Variants in SDK1 observed in about 807,000 individuals in gnomAD.
SDK1 encodes the protein sidekick cell adhesion molecule 1.
Under a neutral mutation model 245.5 loss-of-function variants are expected in SDK1, and 157 were observed. The ratio of observed to expected loss-of-function variants is 0.64; its 90% CI spans 0.56 to 0.73. The LOEUF (loss-of-function observed/expected upper bound fraction) is 0.73, where lower values mean the gene tolerates loss of function less well. Ranked by LOEUF, SDK1 falls within the 30% of genes least tolerant of loss-of-function variation. SDK1 has a pLI of 0.00. For missense variants in SDK1, 3,583 were observed against 3,002.3 expected (o/e 1.19, Z -4.52); for synonymous variants, 1,647 against 1,278.5 (o/e 1.29, Z -6.15).
chr7:3,427,521 CAAA>C (rs57827479), intron 1 of SDK1, among the ~76,000 whole-genome samples: 367 of 96,160 alleles, frequency 3.8e-3, no homozygotes, highest in African/African-American at 8.0e-3. Context: ...CTCCATCTCC[CAAA>C]AAAAAAAAAA....
Position 4,237,867 on chromosome 7 carries a change from G to A in SDK1, c.6130+83G>A. ...GTTCGTTCTCTCGTGGATCTGCCGG[G>A]CCCGTGTCTGCTTTTCCATTTCATT... On this transcript the variant is annotated intron_variant, in intron 42 of 44. Transcript: ENST00000404826. 3.4e-6 allele frequency: 5 copies of A among 1,485,596 alleles called. No homozygotes were observed. In the South Asian group the frequency reaches 6.1e-5, roughly 18 times the overall value. The allele number at this position is 1,485,596 out of a possible 1,614,324, so 92.0% of individuals were successfully genotyped here. A position where few individuals can be genotyped will look rare whatever the true frequency, so the allele number is the denominator to read the frequency against.
At chr7:3,995,429 C>G (rs1266630051) in intron 14 of SDK1, among the ~76,000 whole-genome samples, 1 of 152,068 alleles carries the variant, frequency 6.6e-6, no homozygotes, top group Admixed American at 6.5e-5. Flanking sequence ...CTGTCCTTAT[C>G]TCTTCCTCTA....
chr7:3,312,362 G>A (rs540987766), intron 1 of SDK1, among the ~76,000 whole-genome samples: 1 of 152,222 alleles, frequency 6.6e-6, no homozygotes, highest in Non-Finnish European at 1.5e-5. Flanking sequence ...GCTACACAAG[G>A]AAATGAATCA....
intron 13 of SDK1, among the ~76,000 whole-genome samples, chr7:3,977,430 G>C (rs111459354): frequency 7.3e-5 from 11 of 151,216 alleles, no homozygotes; most frequent in Admixed American, 1.3e-4. Context: ...GCCACACAGA[G>C]GGTCCTCCAG....
intron 1 of SDK1, among the ~76,000 whole-genome samples, chr7:3,306,982 T>A (rs1779432287): frequency 6.6e-6 from 1 of 152,152 alleles, no homozygotes; most frequent in South Asian, 2.1e-4. Context: ...CAGGTCCAAA[T>A]GCGTTGAAAG....
At chr7:3,704,485 T>C (rs1784830932) in intron 4 of SDK1, among the ~76,000 whole-genome samples, 1 of 152,134 alleles carries the variant, frequency 6.6e-6, no homozygotes, top group Admixed American at 6.6e-5. Context: ...TTGTATATCT[T>C]CTTTTGAGAA....
chr7:3,863,460 A>G (rs887448471), intron 5 of SDK1, among the ~76,000 whole-genome samples: 1 of 152,190 alleles, frequency 6.6e-6, no homozygotes, highest in Non-Finnish European at 1.5e-5. Flanking sequence ...CTATGTTTGC[A>G]TGTACAACTT....
At chr7:3,851,129 G>A (rs1273168567) in intron 5 of SDK1, among the ~76,000 whole-genome samples, 3 of 152,092 alleles carry the variant, frequency 2.0e-5, no homozygotes, top group Non-Finnish European at 2.9e-5. Flanking sequence ...TATACCCTAC[G>A]TGTTGGCATT....
chr7:3,399,480 A>G (rs775144445), intron 1 of SDK1, among the ~76,000 whole-genome samples: 13 of 152,034 alleles, frequency 8.6e-5, no homozygotes, highest in Admixed American at 2.0e-4. Flanking sequence ...GTACATTCCT[A>G]TATCTTTGCA....
chr7:3,672,794 T>TATATA (rs1468918926), intron 4 of SDK1, among the ~76,000 whole-genome samples: 1 of 65,564 alleles, frequency 1.5e-5, no homozygotes, highest in Non-Finnish European at 3.2e-5. Flanking sequence ...TATATATATA[T>TATATA]AAAAAATACA....
intron 1 of SDK1, among the ~76,000 whole-genome samples, chr7:3,431,402 A>T (rs1439491608): frequency 7.6e-6 from 1 of 132,098 alleles, no homozygotes; most frequent in Non-Finnish European, 1.6e-5. Flanking sequence ...CATTTTACTT[A>T]GCCAGAATCC....
chr7:3,802,703 C>G (rs1350101370), intron 4 of SDK1, among the ~76,000 whole-genome samples: 1 of 152,142 alleles, frequency 6.6e-6, no homozygotes, highest in Non-Finnish European at 1.5e-5. Flanking sequence ...TAAGTGGACC[C>G]TACATTAGGT....
At chr7:4,111,565 A>G (rs546344958) in intron 23 of SDK1, among the ~76,000 whole-genome samples, 6 of 152,300 alleles carry the variant, frequency 3.9e-5, no homozygotes, top group African/African-American at 1.2e-4. Flanking sequence ...TTTAGCTTCT[A>G]TTCATTTTAA....
intron 1 of SDK1, among the ~76,000 whole-genome samples, chr7:3,340,879 AAAAG>A (rs1002376825): frequency 4.6e-5 from 7 of 152,182 alleles, no homozygotes; most frequent in African/African-American, 1.4e-4. Flanking sequence ...GCTCCCTTAA[AAAAG>A]AAAAAATCTC....
At chr7:3,852,011 T>A (rs1780430565) in intron 5 of SDK1, among the ~76,000 whole-genome samples, 1 of 152,136 alleles carries the variant, frequency 6.6e-6, no homozygotes, top group South Asian at 2.1e-4. Context: ...GTGGACTTGA[T>A]GTTGAGTTAA....
intron 1 of SDK1, among the ~76,000 whole-genome samples, chr7:3,508,728 C>G (rs538350876): frequency 5.9e-5 from 9 of 152,278 alleles, no homozygotes; most frequent in African/African-American, 1.4e-4. Context: ...CTTGACACTT[C>G]GAACCCTAGT....
At chr7:4,024,469 T>A (rs145924605) in intron 17 of SDK1, among the ~76,000 whole-genome samples, 15 of 152,314 alleles carry the variant, frequency 9.8e-5, no homozygotes, top group Admixed American at 9.8e-4. Context: ...AAGTAAAAAC[T>A]GAACAAAATA....
intron 4 of SDK1, among the ~76,000 whole-genome samples, chr7:3,710,501 C>G (rs1244046522): frequency 6.6e-6 from 1 of 152,180 alleles, no homozygotes; most frequent in East Asian, 1.9e-4. Context: ...GATATAGAAA[C>G]AAGCTGCTTA....
chr7:3,343,088 C>A (rs1323245534), intron 1 of SDK1, among the ~76,000 whole-genome samples: 1 of 150,744 alleles, frequency 6.6e-6, no homozygotes, highest in Non-Finnish European at 1.5e-5. Flanking sequence ...AATGGTACAG[C>A]CACTCTAGAA....
Sources: gnomAD v4.1 joint callset for allele counts (sites outside exome capture counted in the v4.1 genomes callset) on GRCh38, gnomAD v4.1.1 for gene constraint, MANE v1.5 for transcripts, NCBI Gene and HGNC (gene_info 2026-07-23, HGNC 2026-07-21) for gene names.